Variants in XKR6 observed in about 807,000 individuals in gnomAD.
XKR6 encodes XK-related protein 6.
A neutral mutation model predicts 56.7 loss-of-function variants in XKR6; 22 were observed. That is an observed-to-expected ratio of 0.39 (90% CI 0.28 to 0.55). The LOEUF (loss-of-function observed/expected upper bound fraction) is 0.55, where lower values mean the gene tolerates loss of function less well. Among genes scored for constraint, XKR6 ranks in the 20% least tolerant of loss-of-function variants. XKR6 has a pLI of 0.66. For synonymous variants in XKR6, 524 were observed against 387.8 expected (o/e 1.35, Z -4.13); for missense variants, 852 against 889.0 (o/e 0.96, Z 0.53).
At chr8:11,089,662 C>T (rs1363938706) in intron 1 of XKR6, among the ~76,000 whole-genome samples, 1 of 152,064 alleles carries the variant, frequency 6.6e-6, no homozygotes, top group African/African-American at 2.4e-5. Context: ...TGAAATATTT[C>T]AACAAATATA....
intron 1 of XKR6, among the ~76,000 whole-genome samples, chr8:11,004,103 T>C (rs1002049280): frequency 1.3e-5 from 2 of 152,050 alleles, no homozygotes; most frequent in Non-Finnish European, 2.9e-5. Context: ...GCTGCAGAGA[T>C]GGAGCGAAGT....
intron 1 of XKR6, among the ~76,000 whole-genome samples, chr8:11,127,291 C>G (rs1484577198): frequency 6.6e-6 from 1 of 152,240 alleles, no homozygotes; most frequent in Admixed American, 6.5e-5. Context: ...GCTTTCTTTT[C>G]TAATTATGTG....
intron 1 of XKR6, among the ~76,000 whole-genome samples, chr8:10,945,167 C>T (rs954887997): frequency 2.0e-5 from 3 of 152,170 alleles, no homozygotes; most frequent in East Asian, 1.9e-4. Flanking sequence ...TTCTCCAAGA[C>T]GTTGCAAAAA....
At chr8:11,141,690 C>T (rs1307252823) in intron 1 of XKR6, among the ~76,000 whole-genome samples, 9 of 152,102 alleles carry the variant, frequency 5.9e-5, no homozygotes, top group African/African-American at 1.9e-4. Flanking sequence ...ATCGTGTGCC[C>T]AGTATCAGGA....
intron 1 of XKR6, among the ~76,000 whole-genome samples, chr8:11,058,445 C>G (rs1363987686): frequency 1.3e-5 from 2 of 152,162 alleles, no homozygotes; most frequent in East Asian, 3.8e-4. Flanking sequence ...CCCAAATGCC[C>G]ATCAGTGATA....
intron 1 of XKR6, among the ~76,000 whole-genome samples, chr8:11,170,511 A>C (rs1168866074): frequency 6.6e-6 from 1 of 152,242 alleles, no homozygotes; most frequent in African/African-American, 2.4e-5. Flanking sequence ...CTACAGACAC[A>C]GACTACAGGT....
intron 2 of XKR6, among the ~76,000 whole-genome samples, chr8:10,916,304 T>A (rs914162558): frequency 2.0e-5 from 3 of 152,174 alleles, no homozygotes; most frequent in African/African-American, 7.2e-5. Context: ...TCCAATACCT[T>A]CACCTCACAC....
At chr8:11,107,063 G>C (rs1418619441) in intron 1 of XKR6, among the ~76,000 whole-genome samples, 1 of 151,816 alleles carries the variant, frequency 6.6e-6, no homozygotes, top group Non-Finnish European at 1.5e-5. Context: ...AAAGAAGATG[G>C]AACAAACTGT....
At chr8:10,906,219 T>C (rs116100055) in intron 2 of XKR6, among the ~76,000 whole-genome samples, 303 of 152,270 alleles carry the variant, frequency 2.0e-3, no homozygotes, top group African/African-American at 6.6e-3. Flanking sequence ...ACCACAGCAA[T>C]TGGCAAATGG....
At chr8:11,022,043 C>A (rs1798760061) in intron 1 of XKR6, among the ~76,000 whole-genome samples, 1 of 151,098 alleles carries the variant, frequency 6.6e-6, no homozygotes, top group African/African-American at 2.4e-5. Flanking sequence ...AAGGCACTGG[C>A]CTGAAGGAGT....
intron 1 of XKR6, among the ~76,000 whole-genome samples, chr8:11,130,518 T>C (rs559134763): frequency 2.0e-5 from 3 of 152,022 alleles, no homozygotes; most frequent in African/African-American, 7.2e-5. Flanking sequence ...TCATTAAAAG[T>C]CTGCACCCAA....
chr8:10,946,618 C>A lies in XKR6; in HGVS notation c.765-21788G>T, dbSNP rs71518505. On this transcript the variant is annotated intron_variant, in intron 1 of 2. Coordinates refer to ENST00000416569, the MANE Select transcript of XKR6 (RefSeq NM_173683.4). ...CCGAAACATGCCCCTTTATGACATT[C>A]CTGAGCACTCTACTGCAGTGATCCA... 3.9e-3 allele frequency among the ~76,000 whole-genome samples: 588 copies of A among 152,160 alleles called. 3 individuals are homozygous for A. Among genetic ancestry groups the A allele is most frequent in the Middle Eastern group, 0.014 (4 of 294 alleles).
chr8:11,098,289 G>A (rs776947494), intron 1 of XKR6, among the ~76,000 whole-genome samples: 7 of 151,726 alleles, frequency 4.6e-5, no homozygotes, highest in Non-Finnish European at 7.4e-5. Context: ...ACAGGCGCGC[G>A]CGCACACACA....
At chr8:11,187,238 TA>T (rs1302386998) in intron 1 of XKR6, among the ~76,000 whole-genome samples, 1 of 152,210 alleles carries the variant, frequency 6.6e-6, no homozygotes, top group African/African-American at 2.4e-5. Context: ...AGGCAGAATG[TA>T]AAAGTGGACA....
At chr8:11,178,670 G>A (rs1455833864) in intron 1 of XKR6, among the ~76,000 whole-genome samples, 1 of 131,604 alleles carries the variant, frequency 7.6e-6, no homozygotes, top group Non-Finnish European at 1.5e-5. Context: ...TATATACACA[G>A]AGATAAATAT....
At chr8:11,000,383 C>T (rs1211025067) in intron 1 of XKR6, among the ~76,000 whole-genome samples, 1 of 152,176 alleles carries the variant, frequency 6.6e-6, no homozygotes, top group Non-Finnish European at 1.5e-5. Context: ...CACATAATTC[C>T]ACTTCAGTAG....
chr8:11,110,798 G>C (rs76001836), intron 1 of XKR6, among the ~76,000 whole-genome samples: 28 of 151,422 alleles, frequency 1.8e-4, no homozygotes, highest in African/African-American at 6.8e-4. Flanking sequence ...GTAGCCCACA[G>C]TTTTAAATAG....
chr8:10,967,506 T>G (rs1478991900), intron 1 of XKR6, among the ~76,000 whole-genome samples: 2 of 152,164 alleles, frequency 1.3e-5, no homozygotes, highest in Admixed American at 1.3e-4. Context: ...AGGTGGACAG[T>G]GCAGGCAGCA....
At chr8:10,950,968 T>G (rs1801700525) in intron 1 of XKR6, among the ~76,000 whole-genome samples, 1 of 151,750 alleles carries the variant, frequency 6.6e-6, no homozygotes, top group African/African-American at 2.4e-5. Flanking sequence ...ACAGCAAGGA[T>G]GGGGAGTGGG....
Sources: allele counts gnomAD v4.1 joint callset (sites outside exome capture counted in the v4.1 genomes callset), GRCh38; gene constraint gnomAD v4.1.1; transcripts MANE v1.5; gene names NCBI Gene and HGNC (gene_info 2026-07-23, HGNC 2026-07-21).